RMDN2: variants seen among roughly 807,000 people sequenced by gnomAD.
The protein encoded by RMDN2 is regulator of microtubule dynamics 2.
A neutral mutation model predicts 52.8 loss-of-function variants in RMDN2; 61 were observed. The observed-to-expected ratio is 1.16, with a 90% CI of 0.94 to 1.43. RMDN2 has a LOEUF of 1.43. Ranked by LOEUF, RMDN2 falls within the 40% of genes most tolerant of loss-of-function variation. The pLI is 0.00. For missense variants in RMDN2, 592 were observed against 475.3 expected (o/e 1.25, Z -2.28); for synonymous variants, 180 against 153.1 (o/e 1.18, Z -1.30).
intron 2 of RMDN2, chr2:37,952,339 C>T: frequency 1.3e-6 from 1 of 758,026 alleles, no homozygotes; most frequent in Non-Finnish European, 2.1e-6. Context: ...AAGAAGATTC[C>T]TACATTGCAG....
At chr2:37,927,106 T>C (rs1207578047) in intron 1 of RMDN2, among the ~76,000 whole-genome samples, 1 of 152,240 alleles carries the variant, frequency 6.6e-6, no homozygotes, top group Non-Finnish European at 1.5e-5. Flanking sequence ...GAACTGTTAG[T>C]CTTTAATTGT....
intron 6 of RMDN2, among the ~76,000 whole-genome samples, chr2:37,990,737 C>G (rs886119753): frequency 2.6e-5 from 4 of 151,962 alleles, no homozygotes; most frequent in Non-Finnish European, 4.4e-5. Flanking sequence ...AATACATAAC[C>G]CCTCAACGTC....
chr2:37,942,456 T>C (rs1667876943), intron 2 of RMDN2, among the ~76,000 whole-genome samples: 1 of 152,214 alleles, frequency 6.6e-6, no homozygotes, highest in Non-Finnish European at 1.5e-5. Context: ...AAGTATACAT[T>C]TGAAGTCCTG....
chr2:37,951,491 G>T lies in RMDN2; in HGVS notation c.452+21762G>T, dbSNP rs763646716. ...AAAAAAGAAATGCTTCCCCTTACTG[G>T]CAACAAAGTAGAGCTAACTTTGATT... On this transcript the variant is annotated intron_variant, in intron 2 of 10. Coordinates refer to ENST00000354545, the MANE Select transcript of RMDN2 (RefSeq NM_001170791.3). 3 of 1,611,874 alleles carry T rather than the reference G, an allele frequency of 1.9e-6. No homozygotes were observed. In the Admixed American group the frequency reaches 5.0e-5, roughly 27 times the overall value.
intron 8 of RMDN2, among the ~76,000 whole-genome samples, chr2:37,999,280 T>C (rs2125170224): frequency 6.6e-6 from 1 of 152,332 alleles, no homozygotes; most frequent in South Asian, 2.1e-4. Context: ...TTAACCTCTC[T>C]CTCAGTTTCA....
intron 5 of RMDN2, among the ~76,000 whole-genome samples, chr2:37,982,671 A>G (rs1213143301): frequency 6.6e-6 from 1 of 152,166 alleles, no homozygotes; most frequent in Non-Finnish European, 1.5e-5. Flanking sequence ...TAGATAAAGT[A>G]TTGTTTTGTA....
At chr2:37,969,263 A>T (rs1431894071) in intron 2 of RMDN2, among the ~76,000 whole-genome samples, 1 of 151,784 alleles carries the variant, frequency 6.6e-6, no homozygotes, top group African/African-American at 2.4e-5. Flanking sequence ...TTCCATTGGA[A>T]TTTTTCTCAG....
At chr2:37,946,213 A>G (rs1572736842) in intron 2 of RMDN2, among the ~76,000 whole-genome samples, 1 of 152,134 alleles carries the variant, frequency 6.6e-6, no homozygotes, top group African/African-American at 2.4e-5. Flanking sequence ...TTCTGACTCT[A>G]TGAAATAGAA....
At chr2:38,039,113 T>G (rs1680798519) in intron 10 of RMDN2, among the ~76,000 whole-genome samples, 1 of 147,686 alleles carries the variant, frequency 6.8e-6, no homozygotes, top group Admixed American at 6.7e-5. Context: ...GATAAAATGT[T>G]CATGGATTAA....
At chr2:38,018,427 G>C (rs1336961621), downstream of RMDN2, among the ~76,000 whole-genome samples, 1 of 152,202 alleles carries the variant, frequency 6.6e-6, no homozygotes, top group Non-Finnish European at 1.5e-5. Flanking sequence ...TAATCATAAA[G>C]AGTAAAGTGC....
chr2:37,932,886 C>G (rs1173116370), intron 2 of RMDN2, among the ~76,000 whole-genome samples: 273 of 148,392 alleles, frequency 1.8e-3, no homozygotes, highest in African/African-American at 6.2e-3. Context: ...ACCTCCCTCC[C>G]GGACGGGGCG....
chr2:38,045,073 A>G (rs1291406608), intron 10 of RMDN2, among the ~76,000 whole-genome samples: 9 of 152,026 alleles, frequency 5.9e-5, no homozygotes, highest in Non-Finnish European at 1.3e-4. Context: ...TGTCAAGAGT[A>G]GGTTTATATA....
chr2:37,984,749 G>A (rs1157332381), intron 5 of RMDN2, among the ~76,000 whole-genome samples: 1 of 151,892 alleles, frequency 6.6e-6, no homozygotes. Flanking sequence ...CAGTGTTCTT[G>A]TCAAAACATA....
intron 10 of RMDN2, among the ~76,000 whole-genome samples, chr2:38,012,149 C>G (rs1678087735): frequency 6.6e-6 from 1 of 152,198 alleles, no homozygotes; most frequent in Non-Finnish European, 1.5e-5. Flanking sequence ...TTAGAACATA[C>G]TGTTCCACTT....
intron 10 of RMDN2, among the ~76,000 whole-genome samples, chr2:38,009,356 G>A (rs536844186): frequency 1.4e-4 from 21 of 152,274 alleles, no homozygotes; most frequent in African/African-American, 4.1e-4. Context: ...CCAATCAGAC[G>A]TAGATTTGGT....
intron 10 of RMDN2, among the ~76,000 whole-genome samples, chr2:38,050,613 T>A (rs1184450416): frequency 6.6e-6 from 1 of 152,052 alleles, no homozygotes; most frequent in Non-Finnish European, 1.5e-5. Flanking sequence ...ATAGAGCTCC[T>A]AAGACAGAAA....
intron 10 of RMDN2, among the ~76,000 whole-genome samples, chr2:38,035,473 G>T (rs1367276373): frequency 2.6e-5 from 4 of 152,118 alleles, no homozygotes; most frequent in Non-Finnish European, 5.9e-5. Flanking sequence ...AGTAAGAGTA[G>T]TTGTGAAAAT....
chr2:37,974,227 A>G lies in RMDN2; in HGVS notation c.627+13A>G. On this transcript the variant is annotated intron_variant, in intron 3 of 10. Transcript: ENST00000354545. ...CCACAAAGAAAAGGTAAGAGACATAACAATAGCACTTCGTATAGTTCCATT... is the reference window on the plus strand; with the variant it reads ...CCACAAAGAAAAGGTAAGAGACATAGCAATAGCACTTCGTATAGTTCCATT... The G allele has an allele frequency of 6.3e-7, 1 of 1,586,026 alleles. No individual in the cohort carries two copies. Among genetic ancestry groups the G allele is most frequent in the Non-Finnish European group, 8.6e-7 (1 of 1,163,172 alleles).
chr2:37,959,159 G>T (rs1044442079), intron 2 of RMDN2, among the ~76,000 whole-genome samples: 1 of 151,040 alleles, frequency 6.6e-6, no homozygotes, highest in African/African-American at 2.5e-5. Context: ...GGATGATGCT[G>T]GCCTCATAAA....
Sources: allele counts gnomAD v4.1 joint callset (sites outside exome capture counted in the v4.1 genomes callset), GRCh38; gene constraint gnomAD v4.1.1; transcripts MANE v1.5; gene names NCBI Gene and HGNC (gene_info 2026-07-23, HGNC 2026-07-21).